Variants in AGO3 observed in about 807,000 individuals in gnomAD.
AGO3 encodes argonaute RISC catalytic component 3.
Under a neutral mutation model 105.5 loss-of-function variants are expected in AGO3, and 16 were observed. The observed-to-expected ratio is 0.15, with a 90% CI of 0.10 to 0.23. AGO3 has a LOEUF of 0.23. AGO3 is among the 10% of genes least tolerant of loss of function. The probability of loss-of-function intolerance (pLI) is 1.00; values close to 1 mark genes in which losing one functional copy is unlikely to be tolerated. For synonymous variants in AGO3, 340 were observed against 367.3 expected (o/e 0.93, Z 0.85); for missense variants, 534 against 1,088.0 (o/e 0.49, Z 7.16).
In AGO3 at chr1:36,056,745, C is replaced by A. The variant is rs201890113; in HGVS notation, c.*1000C>A. On this transcript the variant is annotated 3_prime_UTR_variant, in exon 19 of 19. Coordinates refer to ENST00000373191, the MANE Select transcript of AGO3 (RefSeq NM_024852.4). The stretch of plus-strand genomic sequence containing the variant: ...TTTCTTTTTTCTTTTTCTTTTCTTT[C>A]TTTTTTTTTTTTAATGAGACAGAGC... 8 of 141,616 alleles carry A rather than the reference C, an allele frequency of 5.6e-5. No homozygotes were observed. The highest frequency in any genetic ancestry group is 2.1e-4 in the African/African-American group (8 of 38,940). 8.8% of individuals were successfully genotyped at this position (141,616 alleles called of 1,614,324 possible). A position where few individuals can be genotyped will look rare whatever the true frequency, so the allele number is the denominator to read the frequency against.
chr1:36,000,009 A>G (rs1022266157), intron 5 of AGO3, among the ~76,000 whole-genome samples: 1 of 152,072 alleles, frequency 6.6e-6, no homozygotes, highest in African/African-American at 2.4e-5. Context: ...TCGTCCTGGT[A>G]CAATAAGAGT....
chr1:36,047,272 T>C (rs532134508), intron 17 of AGO3, among the ~76,000 whole-genome samples: 6 of 151,752 alleles, frequency 4.0e-5, no homozygotes, highest in Admixed American at 3.3e-4. Context: ...CAATTCACAA[T>C]ATGAACAAGA....
chr1:35,977,308 C>T (rs947328213), intron 5 of AGO3, among the ~76,000 whole-genome samples: 2 of 146,440 alleles, frequency 1.4e-5, no homozygotes, highest in African/African-American at 5.1e-5. Flanking sequence ...CTTTTGGTAG[C>T]TCACATTTTA....
intron 2 of AGO3, among the ~76,000 whole-genome samples, chr1:35,952,037 A>G (rs1316176780): frequency 2.0e-5 from 3 of 151,964 alleles, no homozygotes; most frequent in African/African-American, 7.2e-5. Flanking sequence ...GTCACTGCCC[A>G]TTAGTCCCTC....
chr1:35,975,054 C>T (rs1461339058), intron 5 of AGO3, among the ~76,000 whole-genome samples: 4 of 152,030 alleles, frequency 2.6e-5, no homozygotes, highest in Non-Finnish European at 5.9e-5. Flanking sequence ...TTATTTTTAA[C>T]TTTTCTATTT....
At position 35,931,340 on chromosome 1, in the gene AGO3, C is replaced by T. The variant is rs942615048; in HGVS notation, c.-87C>T. 5.5e-6 allele frequency: 7 copies of T among 1,270,650 alleles called. No homozygotes were observed. The South Asian group carries it at 1.2e-4, about 21-fold the overall frequency. The allele number at this position is 1,270,650 out of a possible 1,614,324, so 78.7% of individuals were successfully genotyped here. ...CGGGGCCGAGTGAGAGTGCCCGTCGCGTCGCGCCGCGTCGCCCCCCGGGCC... is the reference window on the plus strand; with the variant it reads ...CGGGGCCGAGTGAGAGTGCCCGTCGTGTCGCGCCGCGTCGCCCCCCGGGCC... On this transcript the variant is annotated 5_prime_UTR_variant, in exon 1 of 19. Coordinates refer to ENST00000373191, the MANE Select transcript of AGO3 (RefSeq NM_024852.4).
chr1:35,969,451 A>G (rs556431381), intron 3 of AGO3, among the ~76,000 whole-genome samples: 6 of 152,228 alleles, frequency 3.9e-5, no homozygotes, highest in South Asian at 4.1e-4. Flanking sequence ...GATTATTACT[A>G]TGTAGAAGTG....
chr1:35,961,204 GC>G (rs1557653062), intron 2 of AGO3, among the ~76,000 whole-genome samples: 2 of 152,014 alleles, frequency 1.3e-5, no homozygotes, highest in African/African-American at 4.8e-5. Flanking sequence ...GCCTGCCTCG[GC>G]CCCCCAAAGT....
intron 17 of AGO3, among the ~76,000 whole-genome samples, chr1:36,044,356 A>T (rs1056538608): frequency 2.6e-5 from 4 of 152,080 alleles, no homozygotes; most frequent in South Asian, 2.1e-4. Flanking sequence ...TCAAAAAATA[A>T]AAAAAAATTT....
chr1:36,041,824 G>A (rs539422698), intron 16 of AGO3, among the ~76,000 whole-genome samples: 1 of 152,066 alleles, frequency 6.6e-6, no homozygotes, highest in Non-Finnish European at 1.5e-5. Context: ...CCTTATTTGG[G>A]TTGTCGGGAG....
In AGO3 at chr1:36,060,251, A is replaced by G. The variant is rs1643012729; in HGVS notation, c.*4506A>G. The G allele has an allele frequency of 6.6e-6, 1 of 152,154 alleles. No homozygotes were observed. 9.4% of individuals were successfully genotyped at this position (152,154 alleles called of 1,614,324 possible). A position where few individuals can be genotyped will look rare whatever the true frequency, so the allele number is the denominator to read the frequency against. ...CTAGTGTTTGCTTGTGTATTCTCTA[A>G]TGGATTTTAGGAGGATAGGCCTTCT... On this transcript the variant is annotated 3_prime_UTR_variant, in exon 19 of 19. Coordinates refer to ENST00000373191, the MANE Select transcript of AGO3 (RefSeq NM_024852.4).
In AGO3 at chr1:36,027,795, G is replaced by A. The variant is rs114127402; in HGVS notation, c.1591+497G>A. ...GTCCGTCTCAAAAAAAAAAAAAAAG[G>A]GTTTCAGTAGTGAAAAGAGGCATTA... On this transcript the variant is annotated intron_variant, in intron 12 of 18. Transcript: ENST00000373191. The surrounding 1 kb of genome is among the most constrained non-coding windows in gnomAD (Gnocchi z 4.0). 0.015 allele frequency among the ~76,000 whole-genome samples: 2,309 copies of A among 151,776 alleles called. 49 individuals are homozygous for A. The highest frequency in any genetic ancestry group is 0.053 in the African/African-American group (2,175 of 41,366).
At chr1:36,012,121 G>GC (rs1640643654) in intron 9 of AGO3, among the ~76,000 whole-genome samples, 1 of 151,954 alleles carries the variant, frequency 6.6e-6, no homozygotes, top group African/African-American at 2.4e-5. Flanking sequence ...TATCAGTTGA[G>GC]CCCAGGAGTT....
At chr1:35,961,513 A>T (rs183796571) in intron 2 of AGO3, among the ~76,000 whole-genome samples, 2 of 152,194 alleles carry the variant, frequency 1.3e-5, no homozygotes, top group Admixed American at 6.5e-5. Context: ...AGTTTTTCAC[A>T]TGACAATCTA....
At chr1:35,986,977 CAG>C (rs1195926369) in intron 5 of AGO3, among the ~76,000 whole-genome samples, 1 of 146,986 alleles carries the variant, frequency 6.8e-6, no homozygotes, top group Non-Finnish European at 1.5e-5. Context: ...GCCTGGGCGA[CAG>C]AGTAAGACTC....
Position 36,064,749 on chromosome 1 carries a change from T to G in AGO3, c.*9004T>G, listed in dbSNP as rs1643068439. The stretch of plus-strand genomic sequence containing the variant: ...TCTTTTTGCATTTTTGCCAGTTACA[T>G]TAGTTTGCCCTATGATATACTATTC... On this transcript the variant is annotated 3_prime_UTR_variant, in exon 19 of 19. Coordinates refer to ENST00000373191, the MANE Select transcript of AGO3 (RefSeq NM_024852.4). The G allele has an allele frequency of 6.6e-6, 1 of 152,272 alleles. No individual in the cohort carries two copies. The highest frequency in any genetic ancestry group is 1.5e-5 in the Non-Finnish European group (1 of 68,080). 9.4% of individuals were successfully genotyped at this position (152,272 alleles called of 1,614,324 possible).
chr1:36,021,821 T>C (rs1230577693), intron 11 of AGO3, among the ~76,000 whole-genome samples: 1 of 152,122 alleles, frequency 6.6e-6, no homozygotes, highest in African/African-American at 2.4e-5. Flanking sequence ...GACTCAATTT[T>C]CTAGTCAACA....
At chr1:36,052,326 T>C (rs1469894745) in intron 17 of AGO3, among the ~76,000 whole-genome samples, 1 of 152,010 alleles carries the variant, frequency 6.6e-6, no homozygotes, top group Non-Finnish European at 1.5e-5. Context: ...AGATATATAC[T>C]GCATGATCTC....
At chr1:35,951,147 C>A (rs1034312672) in intron 2 of AGO3, among the ~76,000 whole-genome samples, 1 of 152,130 alleles carries the variant, frequency 6.6e-6, no homozygotes, top group Non-Finnish European at 1.5e-5. Flanking sequence ...GTCGGGGTTT[C>A]GCCATGTTGA....
Sources: gnomAD v4.1 joint callset for allele counts (sites outside exome capture counted in the v4.1 genomes callset) on GRCh38, gnomAD v4.1.1 for gene constraint, Gnocchi (gnomAD v3.1) non-coding constraint, MANE v1.5 for transcripts, NCBI Gene and HGNC (gene_info 2026-07-23, HGNC 2026-07-21) for gene names.